ARHGEF1: variants seen among roughly 807,000 people sequenced by gnomAD.
ARHGEF1 encodes 115 kDa guanine nucleotide exchange factor.
A neutral mutation model predicts 119.7 loss-of-function variants in ARHGEF1; 40 were observed. That is an observed-to-expected ratio of 0.33 (90% confidence interval 0.26 to 0.44). ARHGEF1 has a LOEUF of 0.44. Among genes scored for constraint, ARHGEF1 ranks in the 20% least tolerant of loss-of-function variants. The pLI is 1.00. For synonymous variants in ARHGEF1, 494 were observed against 521.0 expected (o/e 0.95, Z 0.71); for missense variants, 976 against 1,268.3 (o/e 0.77, Z 3.50).
chr19:41,896,529 C>A (rs1555847676), intron 13 of ARHGEF1, 47 bp downstream of exon 13: 4 of 1,456,792 alleles, frequency 2.7e-6, no homozygotes, highest in Non-Finnish European at 9.4e-7. Context: ...TTACTGGGCG[C>A]TGGTGGGTGG....
intron 7 of ARHGEF1, 63 bp from the exon 8 acceptor site, chr19:41,893,211 C>A: frequency 1.2e-6 from 2 of 1,605,840 alleles, no homozygotes; most frequent in Non-Finnish European, 1.7e-6. Context: ...TGAGATGTAT[C>A]CTGGGTGGAT....
In ARHGEF1 at chr19:41,906,600, G is replaced by A. The variant is rs781955483; in HGVS notation, c.2635G>A (p.Glu879Lys). The A allele has an allele frequency of 1.2e-6, 2 of 1,606,818 alleles. No individual in the cohort carries two copies. Among genetic ancestry groups the A allele is most frequent in the African/African-American group, 1.3e-5 (1 of 74,546 alleles). ...EIQENLLSLE[E>K]TMKQLEELEE... ...CCAGGAGAACCTGCTCAGCTTGGAG[G>A]AGACCATGAAGCAGCTGGAGGTGGG... Residue 879 changes from glutamate to lysine, a missense_variant, in exon 27 of 29, where the codon GAG (glutamate) becomes AAG (lysine). Coordinates refer to ENST00000354532, the MANE Select transcript of ARHGEF1 (RefSeq NM_004706.4). This position sits in a 1 kb window ranked among gnomAD's most constrained non-coding sequence, Gnocchi z 4.5.
chr19:41,895,525 G>A (rs782454760), intron 12 of ARHGEF1, 39 bp downstream of exon 12: 22 of 1,554,698 alleles, frequency 1.4e-5, no homozygotes, highest in South Asian at 8.0e-5. Flanking sequence ...GAGGCCCGGC[G>A]ATCCAGGGTG....
At chr19:41,901,517 C>T (rs1315068471) in intron 14 of ARHGEF1, among the ~76,000 whole-genome samples, 2 of 152,212 alleles carry the variant, frequency 1.3e-5, no homozygotes, top group Non-Finnish European at 2.9e-5. Flanking sequence ...TCATAGCTCA[C>T]TGCAGCCTCA....
chr19:41,920,317 C>T (rs955359397), upstream of ARHGEF1, among the ~76,000 whole-genome samples: 1 of 147,082 alleles, frequency 6.8e-6, no homozygotes, highest in South Asian at 2.6e-4. Flanking sequence ...ACATGACATG[C>T]CCAGACGTGA....
chr19:41,887,677 C>T lies in ARHGEF1; in HGVS notation c.-19-387C>T, dbSNP rs184779466. Among the ~76,000 whole-genome samples the T allele has an allele frequency of 3.1e-3, 467 of 152,268 alleles. 3 individuals carry two copies. The highest frequency in any genetic ancestry group is 0.011 in the African/African-American group (458 of 41,536). On this transcript the variant is annotated intron_variant, in intron 1 of 28. Coordinates refer to ENST00000354532, the MANE Select transcript of ARHGEF1 (RefSeq NM_004706.4). ...TCTCTCCCGCCTCTCCTCTAACCCT[C>T]CCATCCCCTCTTGCCTCTGGGCTGT...
downstream of ARHGEF1, among the ~76,000 whole-genome samples, chr19:41,911,188 G>A (rs1021041067): frequency 2.6e-5 from 4 of 152,230 alleles, no homozygotes; most frequent in Non-Finnish European, 5.9e-5. Context: ...GCAGAGGGGA[G>A]TACTCCACTG....
In ARHGEF1 at chr19:41,902,128, T is replaced by C; in HGVS notation, c.1414+95T>C. The C allele has an allele frequency of 6.4e-7, 1 of 1,567,108 alleles. No individual in the cohort carries two copies. Among genetic ancestry groups the C allele is most frequent in the Non-Finnish European group, 8.7e-7 (1 of 1,149,508 alleles). ...TCAACCTGCTCGGGAACCCCAGGGT[T>C]CACATGGGGTGGGGGCAGATACGCC... is the stretch of plus-strand genomic sequence containing the variant. On this transcript the variant is annotated intron_variant, in intron 15 of 28. Coordinates refer to ENST00000354532, the MANE Select transcript of ARHGEF1 (RefSeq NM_004706.4). The surrounding 1 kb of genome is among the most constrained non-coding windows in gnomAD (Gnocchi z 6.5).
Position 41,892,234 on chromosome 19 carries a change from C to T in ARHGEF1, c.325-97C>T. 6.3e-7 allele frequency: 1 copy of T among 1,576,862 alleles called. No individual in the cohort carries two copies. Among genetic ancestry groups the T allele is most frequent in the South Asian group, 1.1e-5 (1 of 89,990 alleles). ...GGCAGCTGCTGACCCAGGCCTTCCC[C>T]AGCACCCTCGCTTAGACCAGGGTTC... On this transcript the variant is annotated intron_variant, in intron 5 of 28. Transcript: ENST00000354532. The surrounding 1 kb of genome is among the most constrained non-coding windows in gnomAD (Gnocchi z 6.3).
chr19:41,895,539 G>T (rs1260327450), intron 12 of ARHGEF1, 53 bp downstream of exon 12: 5 of 1,532,106 alleles, frequency 3.3e-6, no homozygotes, highest in Admixed American at 1.9e-5. Flanking sequence ...CAGGGTGGGG[G>T]TGCTGCCTGC....
chr19:41,912,615 CG>C (rs1392319231), intron 18 of ARHGEF1, among the ~76,000 whole-genome samples: 2 of 152,230 alleles, frequency 1.3e-5, no homozygotes, highest in East Asian at 3.9e-4. Flanking sequence ...CACTCACTTC[CG>C]TACCCTCCCA....
chr19:41,910,445 G>A (rs781799764), downstream of ARHGEF1, among the ~76,000 whole-genome samples: 4 of 152,062 alleles, frequency 2.6e-5, no homozygotes, highest in African/African-American at 9.7e-5. This position sits in a 1 kb window ranked among gnomAD's most constrained non-coding sequence, Gnocchi z 4.4. Flanking sequence ...CTCCAACAGC[G>A]TTAGTCCTCT....
rs782076179 is a variant in ARHGEF1 at position 41,907,088 on chromosome 19, TCTC to T, written c.*18-14_*18-12del. On this transcript the variant is annotated splice_polypyrimidine_tract_variant and intron_variant, in intron 28 of 28. Coordinates refer to ENST00000354532, the MANE Select transcript of ARHGEF1 (RefSeq NM_004706.4). ...CTCCATCTCTCCCCGTCTCCCCTCT[TCTC>T]CTACATCCCCCAGGCCTTTTGCAAG... The T allele has an allele frequency of 3.4e-6, 5 of 1,492,320 alleles. No individual in the cohort carries two copies. The Admixed American group carries it at 6.8e-5, about 20-fold the overall frequency. The allele number at this position is 1,492,320 out of a possible 1,614,324, so 92.4% of individuals were successfully genotyped here.
At chr19:41,919,328 A>T (rs193208232), upstream of ARHGEF1, among the ~76,000 whole-genome samples, 49 of 152,270 alleles carry the variant, frequency 3.2e-4, 1 homozygote, top group African/African-American at 1.0e-3. Context: ...TTGCAGACAC[A>T]TGCGCCATCC....
At chr19:41,887,555 T>C (rs1401538435) in intron 1 of ARHGEF1, among the ~76,000 whole-genome samples, 1 of 152,082 alleles carries the variant, frequency 6.6e-6, no homozygotes, top group Non-Finnish European at 1.5e-5. Flanking sequence ...GGGTTTGCCA[T>C]TGTGACTTCC....
intron 1 of ARHGEF1, among the ~76,000 whole-genome samples, chr19:41,925,690 G>A (rs548559970): frequency 3.9e-5 from 6 of 152,192 alleles, no homozygotes; most frequent in African/African-American, 4.8e-5. Flanking sequence ...TGAGTAACCC[G>A]AAATGACAAG....
rs566376268 is a variant in ARHGEF1 at position 41,915,238 on chromosome 19, C to G, written c.1866-7854C>G. On this transcript the variant is annotated intron_variant, in intron 18 of 20. Coordinates refer to the ARHGEF1 transcript ENST00000599589. ...CTCCGGACACGTTATAACGAGGAGC[C>G]GTGGGATCGGCGCTCCGGGCCCTGC... 2.7e-5 allele frequency among the ~76,000 whole-genome samples: 4 copies of G among 149,652 alleles called. No homozygotes were observed. In the South Asian group the frequency reaches 8.7e-4, roughly 32 times the overall value.
In ARHGEF1 at chr19:41,916,047, C is replaced by T. The variant is rs2074799549; in HGVS notation, c.1866-7045C>T. ...CTTCGCCCCCCATCTCTACCGCCCG[C>T]AGCCATGGCACCGAATGTGTGTGCG... On this transcript the variant is annotated intron_variant, in intron 18 of 20. Coordinates refer to the ARHGEF1 transcript ENST00000599589. The surrounding 1 kb of genome is among the most constrained non-coding windows in gnomAD (Gnocchi z 5.4). 6.6e-6 allele frequency among the ~76,000 whole-genome samples: 1 copy of T among 152,100 alleles called. No individual in the cohort carries two copies. Among genetic ancestry groups the T allele is most frequent in the Admixed American group, 6.5e-5 (1 of 15,282 alleles).
At chr19:41,898,689 C>T (rs2074552299) in intron 14 of ARHGEF1, 102 bp downstream of exon 14, 1 of 1,407,542 alleles carries the variant, frequency 7.1e-7, no homozygotes, top group Non-Finnish European at 9.4e-7. Context: ...TGTCATTTAC[C>T]ATCGGGAGAA....
Sources: allele counts gnomAD v4.1 joint callset (sites outside exome capture counted in the v4.1 genomes callset), GRCh38; gene constraint gnomAD v4.1.1; non-coding constraint Gnocchi (gnomAD v3.1); transcripts MANE v1.5; gene names NCBI Gene and HGNC (gene_info 2026-07-23, HGNC 2026-07-21).